MIER1: variants seen among roughly 807,000 people sequenced by gnomAD.
MIER1 encodes the protein mesoderm induction early response protein 1.
In MIER1, 40 loss-of-function variants were observed where a neutral mutation model predicts 75.7. That is an observed-to-expected ratio of 0.53 (90% confidence interval 0.41 to 0.69). The LOEUF (loss-of-function observed/expected upper bound fraction) is 0.69. Ranked by LOEUF, MIER1 falls within the 30% of genes least tolerant of loss-of-function variation. The probability of loss-of-function intolerance (pLI) is 0.00; values close to 1 mark genes in which losing one functional copy is unlikely to be tolerated. For synonymous variants in MIER1, 213 were observed against 223.4 expected (o/e 0.95, Z 0.42); for missense variants, 574 against 680.2 (o/e 0.84, Z 1.74).
At chr1:66,940,183 A>C in intron 3 of MIER1, 131 bp downstream of exon 3, 1 of 608,834 alleles carries the variant, frequency 1.6e-6, no homozygotes, top group Non-Finnish European at 2.8e-6. Context: ...TCTGGGGAAA[A>C]AGAAATGGAT....
chr1:66,925,610 C>T, intron 1 of MIER1: 2 of 935,216 alleles, frequency 2.1e-6, no homozygotes, highest in South Asian at 9.8e-5. Flanking sequence ...TAGGGTATTA[C>T]TGTAAGGAAA....
chr1:66,956,587 T>G (rs1228422626), intron 4 of MIER1, among the ~76,000 whole-genome samples: 1 of 152,218 alleles, frequency 6.6e-6, no homozygotes, highest in East Asian at 1.9e-4. Context: ...ACTGTTGGTG[T>G]TGTACTTTGA....
At chr1:66,931,521 T>G (rs1251896607) in intron 2 of MIER1, among the ~76,000 whole-genome samples, 1 of 152,162 alleles carries the variant, frequency 6.6e-6, no homozygotes. Flanking sequence ...CAAAACAGAT[T>G]TAGGAAGGAG....
intron 3 of MIER1, chr1:66,940,270 C>CTT (rs35904130): frequency 9.8e-4 from 129 of 131,318 alleles, no homozygotes; most frequent in South Asian, 1.6e-3. Flanking sequence ...TTTGGGTTTT[C>CTT]TTTTTTTTTT....
intron 3 of MIER1, among the ~76,000 whole-genome samples, chr1:66,943,138 A>T (rs1656653488): frequency 6.6e-6 from 1 of 152,188 alleles, no homozygotes; most frequent in Non-Finnish European, 1.5e-5. Context: ...ATGATTACTG[A>T]CTGACTACTC....
rs1456762936 is a variant in MIER1 at position 66,930,606 on chromosome 1, TAC to T, written c.168+4365_168+4366del. Reference sequence around the variant, plus strand: ...CCGGGGGTAGGAGGAAGCGGAGGCGTACTTGGACTTCGGGGGCAGTTTGAAGG... The same window carrying T: ...CCGGGGGTAGGAGGAAGCGGAGGCGTTTGGACTTCGGGGGCAGTTTGAAGG... On this transcript the variant is annotated intron_variant, in intron 2 of 13. Transcript: ENST00000401041. 4.0e-5 allele frequency among the ~76,000 whole-genome samples: 6 copies of T among 151,700 alleles called. No homozygotes were observed. The East Asian group carries it at 9.8e-4, about 25-fold the overall frequency.
At chr1:66,982,712 C>CGGA (rs1348957014) in intron 13 of MIER1, among the ~76,000 whole-genome samples, 1 of 152,174 alleles carries the variant, frequency 6.6e-6, no homozygotes, top group Non-Finnish European at 1.5e-5. Context: ...CTGTGAAAGC[C>CGGA]TTGATCCTCT....
chr1:66,983,680 A>C (rs1279872211), intron 13 of MIER1, among the ~76,000 whole-genome samples: 3 of 152,184 alleles, frequency 2.0e-5, no homozygotes, highest in African/African-American at 7.2e-5. Context: ...TTAGTTTTTT[A>C]ACATTATGAC....
chr1:66,977,441 T>A (rs1435114480), intron 12 of MIER1, among the ~76,000 whole-genome samples: 1 of 152,122 alleles, frequency 6.6e-6, no homozygotes, highest in Non-Finnish European at 1.5e-5. Context: ...AAAAAACATG[T>A]ATATGGTGAC....
intron 7 of MIER1, chr1:66,959,992 G>A (rs1457657475): frequency 1.3e-5 from 3 of 226,436 alleles, no homozygotes; most frequent in Non-Finnish European, 2.6e-5. Context: ...GCTGAGGCAG[G>A]CGGATCGCTT....
chr1:66,939,244 G>C (rs1655612114), intron 2 of MIER1, among the ~76,000 whole-genome samples: 1 of 152,064 alleles, frequency 6.6e-6, no homozygotes, highest in Non-Finnish European at 1.5e-5. Flanking sequence ...TTATAATTGT[G>C]AATTAACTGA....
intron 4 of MIER1, 152 bp from the exon 5 acceptor site, chr1:66,957,907 A>G (rs1186043756): frequency 9.1e-6 from 4 of 437,772 alleles, no homozygotes; most frequent in African/African-American, 2.0e-5. Flanking sequence ...GGTTTCAGAA[A>G]TATTTTCAGT....
At chr1:66,980,694 T>C (rs1665704963) in intron 12 of MIER1, among the ~76,000 whole-genome samples, 1 of 152,158 alleles carries the variant, frequency 6.6e-6, no homozygotes, top group African/African-American at 2.4e-5. Flanking sequence ...TAGAATTTTA[T>C]TGAGTTTCTT....
intron 1 of MIER1, chr1:66,925,338 T>A: frequency 1.0e-6 from 1 of 985,424 alleles, no homozygotes; most frequent in Non-Finnish European, 1.2e-6. Flanking sequence ...GCGCCGCCTT[T>A]TTGCCTTCGC....
intron 7 of MIER1, among the ~76,000 whole-genome samples, chr1:66,962,413 C>T (rs1661436701): frequency 6.6e-6 from 1 of 152,198 alleles, no homozygotes; most frequent in African/African-American, 2.4e-5. Flanking sequence ...GTTTTTCAGA[C>T]TTCAGTCTAT....
At chr1:66,949,082 T>C (rs1658327972) in intron 4 of MIER1, among the ~76,000 whole-genome samples, 2 of 152,140 alleles carry the variant, frequency 1.3e-5, no homozygotes, top group South Asian at 2.1e-4. Flanking sequence ...AAGACAATTA[T>C]TTTCAGTTTG....
intron 2 of MIER1, among the ~76,000 whole-genome samples, chr1:66,931,861 C>T (rs560764744): frequency 6.6e-6 from 1 of 152,214 alleles, no homozygotes; most frequent in South Asian, 2.1e-4. Flanking sequence ...TTAGTGTCTT[C>T]AGTGGACCCC....
rs1291611744 is a variant in MIER1 at position 66,984,613 on chromosome 1, G to T, written c.1411G>T (p.Glu471Ter). 1.9e-5 allele frequency: 31 copies of T among 1,609,382 alleles called. No individual in the cohort carries two copies. The highest frequency in any genetic ancestry group is 2.3e-5 in the Non-Finnish European group (27 of 1,178,678). The change falls in exon 14 of 14, where the codon GAA becomes TAA. Residue 471 changes from glutamate to a stop codon, truncating the protein, a stop_gained. Transcript: ENST00000401041. LOFTEE classifies it high-confidence loss of function. Reference protein sequence around the residue: ...NGPGEILNKEEVKVEGLHING... With the variant: ...NGPGEILNKE The stretch of plus-strand genomic sequence containing the variant: ...ACCAGGTGAAATATTAAACAAAGAG[G>T]AAGTAAAAGTTGAAGGGTTACACAT...
intron 1 of MIER1, among the ~76,000 whole-genome samples, 158 bp from the exon 2 acceptor site, chr1:66,925,984 G>A (rs1220879951): frequency 3.3e-5 from 5 of 151,116 alleles, no homozygotes; most frequent in Non-Finnish European, 7.4e-5. Flanking sequence ...GTTACAAATT[G>A]CATGACTTAA....
Sources: gnomAD v4.1 joint callset for allele counts (sites outside exome capture counted in the v4.1 genomes callset) on GRCh38, gnomAD v4.1.1 for gene constraint, MANE v1.5 for transcripts, NCBI Gene and HGNC (gene_info 2026-07-23, HGNC 2026-07-21) for gene names.